Variants in NCOA7 observed in about 807,000 individuals in gnomAD.
NCOA7 encodes the protein 140 kDa estrogen receptor-associated protein.
NCOA7 carries 45 observed loss-of-function variants against 104.3 expected under a neutral mutation model. The observed-to-expected ratio is 0.43, with a 90% confidence interval of 0.34 to 0.55. The LOEUF (loss-of-function observed/expected upper bound fraction) is 0.55, where lower values mean the gene tolerates loss of function less well. Among genes scored for constraint, NCOA7 ranks in the 20% least tolerant of loss-of-function variants. The pLI, the probability that NCOA7 is intolerant of heterozygous loss-of-function variation, is 0.02. For synonymous variants in NCOA7, 398 were observed against 402.3 expected, an observed-to-expected ratio of 0.99 and a Z score of 0.13; for missense variants, 1,041 against 1,119.7, an observed-to-expected ratio of 0.93 and a Z score of 1.00.
intron 8 of NCOA7, among the ~76,000 whole-genome samples, chr6:125,888,221 AT>A (rs1224460328): frequency 1.3e-5 from 2 of 152,240 alleles, no homozygotes; most frequent in Non-Finnish European, 2.9e-5. Flanking sequence ...GTTATGAAAT[AT>A]TTACTTAAGA....
rs933058419 is a variant in NCOA7 at position 125,781,194 on chromosome 6, A to G, written c.-319A>G. On this transcript the variant is annotated 5_prime_UTR_variant, in exon 1 of 17. Coordinates refer to the NCOA7 transcript ENST00000368357. Reference sequence around the variant, plus strand: ...TCATAAAGTAGATGCAGAGGGCAGTAAGATATAACTCAACTTTGAAAATGT... The same window carrying G: ...TCATAAAGTAGATGCAGAGGGCAGTGAGATATAACTCAACTTTGAAAATGT... 15 of 152,256 alleles carry G rather than the reference A, an allele frequency of 9.9e-5. 1 individual carries two copies. Among genetic ancestry groups the G allele is most frequent in the Non-Finnish European group, 4.4e-5 (3 of 68,046 alleles). 9.4% of individuals were successfully genotyped at this position (152,256 alleles called of 1,614,324 possible). A position where few individuals can be genotyped will look rare whatever the true frequency, so the allele number is the denominator to read the frequency against.
chr6:125,806,982 C>T (rs1211948552), intron 1 of NCOA7, among the ~76,000 whole-genome samples: 1 of 152,154 alleles, frequency 6.6e-6, no homozygotes, highest in East Asian at 1.9e-4. Context: ...TGCGTTTCTA[C>T]AGTAGTCATA....
In NCOA7 at chr6:125,889,337, G is replaced by A. The variant is rs942760434; in HGVS notation, c.1283G>A (p.Gly428Asp). Reference sequence around the variant, plus strand: ...GAAGAACTTTCTTCTCAAACTGGTGGTGGAATGCACAAAAAAGACACCTTG... The same window carrying A: ...GAAGAACTTTCTTCTCAAACTGGTGATGGAATGCACAAAAAAGACACCTTG... ...DLEELSSQTG[G>D]GMHKKDTLKE... The change falls in exon 9 of 16, where the codon GGT becomes GAT. Residue 428 changes from glycine (G) to aspartate (D), a missense_variant. Physicochemically the swap from Gly to Asp is moderately conservative, Grantham distance 94. Coordinates refer to ENST00000392477, the MANE Select transcript of NCOA7 (RefSeq NM_181782.5). 1 of 1,614,114 alleles carries A rather than the reference G, an allele frequency of 6.2e-7. No homozygotes were observed.
intron 1 of NCOA7, among the ~76,000 whole-genome samples, chr6:125,791,534 C>G (rs1161694076): frequency 6.6e-6 from 1 of 152,204 alleles, no homozygotes; most frequent in Non-Finnish European, 1.5e-5. Context: ...TTGTGTATTT[C>G]AGAGCTAGCT....
At chr6:125,833,656 G>T (rs1779376181) in intron 2 of NCOA7, among the ~76,000 whole-genome samples, 1 of 152,060 alleles carries the variant, frequency 6.6e-6, no homozygotes, top group South Asian at 2.1e-4. Context: ...TTCAATCAGG[G>T]TGGTGGCAAG....
At chr6:125,835,931 T>G (rs1779574338) in intron 2 of NCOA7, among the ~76,000 whole-genome samples, 1 of 152,236 alleles carries the variant, frequency 6.6e-6, no homozygotes. Context: ...TTTTAGACAC[T>G]GTACATGTCA....
At chr6:125,897,935 T>A (rs1785180260) in intron 10 of NCOA7, among the ~76,000 whole-genome samples, 1 of 152,208 alleles carries the variant, frequency 6.6e-6, no homozygotes. Context: ...TGCCTCGGCC[T>A]CCCGAAGTGC....
At chr6:125,926,982 C>T (rs1189832132) in intron 13 of NCOA7, among the ~76,000 whole-genome samples, 1 of 152,096 alleles carries the variant, frequency 6.6e-6, no homozygotes, top group African/African-American at 2.4e-5. Context: ...CCCTTCCATC[C>T]CCCGATAAGA....
At chr6:125,803,977 T>C (rs1488454536) in intron 1 of NCOA7, among the ~76,000 whole-genome samples, 3 of 152,038 alleles carry the variant, frequency 2.0e-5, no homozygotes, top group Non-Finnish European at 2.9e-5. Context: ...AATTGATGCA[T>C]TGGGACCCAG....
At position 125,889,372 on chromosome 6, in the gene NCOA7, C is replaced by A. The variant is rs374422616; in HGVS notation, c.1318C>A (p.Leu440Ile). 5.5e-5 allele frequency: 88 copies of A among 1,613,996 alleles called. No individual in the cohort carries two copies. Among genetic ancestry groups the A allele is most frequent in the Non-Finnish European group, 7.3e-5 (86 of 1,179,968 alleles). ...MHKKDTLKEC[L>I]SLDPEERKKA... ...CAAAAAAGACACCTTGAAGGAGTGC[C>A]TTTCTCTTGACCCAGAGGAACGAAA... The change falls in exon 9 of 16, where the codon CTT becomes ATT. Residue 440 changes from leucine (L) to isoleucine (I), a missense_variant. By Grantham distance (5) the Leu-to-Ile change is conservative (BLOSUM62 2). Coordinates refer to ENST00000392477, the MANE Select transcript of NCOA7 (RefSeq NM_181782.5).
At chr6:125,827,909 G>A (rs568922719) in intron 2 of NCOA7, among the ~76,000 whole-genome samples, 4 of 152,350 alleles carry the variant, frequency 2.6e-5, no homozygotes, top group African/African-American at 9.6e-5. Context: ...CTAGATGGAT[G>A]GAGGTGCCAT....
chr6:125,819,951 T>C (rs1562826573), intron 2 of NCOA7, among the ~76,000 whole-genome samples: 1 of 152,176 alleles, frequency 6.6e-6, no homozygotes, highest in Non-Finnish European at 1.5e-5. Flanking sequence ...AATGGTGTTT[T>C]GTGGGAGGTT....
intron 3 of NCOA7, among the ~76,000 whole-genome samples, chr6:125,859,563 G>A (rs1372789350): frequency 1.3e-5 from 2 of 152,080 alleles, no homozygotes; most frequent in Non-Finnish European, 2.9e-5. Context: ...AAATTTTGAG[G>A]CAGTTTTTTT....
intron 2 of NCOA7, among the ~76,000 whole-genome samples, chr6:125,851,174 A>G (rs889188881): frequency 6.6e-6 from 1 of 152,134 alleles, no homozygotes; most frequent in African/African-American, 2.4e-5. Context: ...TGGATGAATC[A>G]TATAGTGGTG....
chr6:125,889,626 A>G lies in NCOA7; in HGVS notation c.1572A>G (p.Glu524=). Residue 524 remains glutamate, a synonymous_variant, in exon 9 of 16, where the codon GAA becomes GAG. Coordinates refer to ENST00000392477, the MANE Select transcript of NCOA7 (RefSeq NM_181782.5). ...HEDLDKVKLI[E]YYLTKNKEGP... The stretch of plus-strand genomic sequence containing the variant: ...ATTTAGATAAAGTTAAACTCATTGA[A>G]TATTACCTGACTAAGAACAAAGAAG... The G allele has an allele frequency of 1.9e-6, 3 of 1,613,918 alleles. No individual in the cohort carries two copies. Among genetic ancestry groups the G allele is most frequent in the Admixed American group, 1.7e-5 (1 of 59,970 alleles).
chr6:125,822,878 T>A (rs1468952584), intron 2 of NCOA7, among the ~76,000 whole-genome samples: 2 of 148,854 alleles, frequency 1.3e-5, no homozygotes, highest in East Asian at 3.9e-4. Context: ...GAGGTTGCAG[T>A]GACCCGAGAT....
chr6:125,849,542 T>C (rs1780940175), intron 2 of NCOA7, among the ~76,000 whole-genome samples: 1 of 152,184 alleles, frequency 6.6e-6, no homozygotes, highest in African/African-American at 2.4e-5. Flanking sequence ...AGTCTTATTC[T>C]TTTTTTGCAC....
At chr6:125,806,320 G>A (rs1055260345) in intron 1 of NCOA7, among the ~76,000 whole-genome samples, 11 of 152,156 alleles carry the variant, frequency 7.2e-5, no homozygotes, top group Non-Finnish European at 1.6e-4. Flanking sequence ...CCGCCTGGAT[G>A]ACAGAGTGAG....
intron 2 of NCOA7, among the ~76,000 whole-genome samples, chr6:125,837,168 A>G (rs1015201049): frequency 2.6e-5 from 4 of 152,202 alleles, no homozygotes; most frequent in African/African-American, 9.7e-5. Context: ...TTCAAGGTTT[A>G]TATCAATTTA....
Sources: allele counts gnomAD v4.1 joint callset (sites outside exome capture counted in the v4.1 genomes callset), GRCh38; gene constraint gnomAD v4.1.1; transcripts MANE v1.5; gene names NCBI Gene and HGNC (gene_info 2026-07-23, HGNC 2026-07-21).